The following ACYP2 variants were observed in gnomAD, a reference collection of about 807,000 sequenced individuals.
ACYP2 encodes acylphosphatase-2.
A neutral mutation model predicts 11.2 loss-of-function variants in ACYP2; 12 were observed. The observed-to-expected ratio is 1.08, with a 90% confidence interval of 0.69 to 1.74. The LOEUF (loss-of-function observed/expected upper bound fraction) is 1.74, where lower values mean the gene tolerates loss of function less well. Among genes scored for constraint, ACYP2 ranks in the 40% most tolerant of loss-of-function variants. The pLI is 0.00. For synonymous variants in ACYP2, 43 were observed against 32.2 expected (o/e 1.33, Z -1.13); for missense variants, 134 against 101.9 (o/e 1.31, Z -1.35).
intron 6 of ACYP2, among the ~76,000 whole-genome samples, chr2:54,203,090 A>C (rs1684923798): frequency 6.6e-6 from 1 of 152,054 alleles, no homozygotes; most frequent in African/African-American, 2.4e-5. Context: ...TAAGTCTTCC[A>C]CTTCATAAGC....
chr2:54,037,673 G>T (rs1255904939), intron 2 of ACYP2, among the ~76,000 whole-genome samples: 2 of 152,110 alleles, frequency 1.3e-5, no homozygotes, highest in Non-Finnish European at 2.9e-5. Context: ...CTCCCAAAGT[G>T]CTGGGATTAC....
intron 6 of ACYP2, chr2:54,267,466 G>C: frequency 9.6e-7 from 1 of 1,046,866 alleles, no homozygotes. Context: ...GGGAAGAGTG[G>C]TCCTAAAGCC....
At chr2:54,051,317 A>G in intron 3 of ACYP2, 1 of 765,346 alleles carries the variant, frequency 1.3e-6, no homozygotes, top group Non-Finnish European at 2.4e-6. Context: ...TGCTTCAGTC[A>G]ACTTCTCAGA....
chr2:54,274,328 C>G (rs1411770738), intron 6 of ACYP2, among the ~76,000 whole-genome samples: 1 of 152,194 alleles, frequency 6.6e-6, no homozygotes, highest in East Asian at 1.9e-4. Context: ...TCCTATGACA[C>G]ATGAGAGTTG....
In ACYP2 at chr2:54,066,279, C is replaced by G. The variant is rs565140658; in HGVS notation, c.277+8919C>G. 2.3e-4 allele frequency among the ~76,000 whole-genome samples: 35 copies of G among 152,280 alleles called. No individual in the cohort carries two copies. In the South Asian group the frequency reaches 7.1e-3, roughly 31 times the overall value. On this transcript the variant is annotated intron_variant, in intron 4 of 6. Coordinates refer to ENST00000607452, the MANE Select transcript of ACYP2 (RefSeq NM_001320586.2). Reference sequence around the variant, plus strand: ...AGAAGTGCGTGGTGGATCCTCCTCTCCTCTCTCCTGCCACCATTTAAGACA... The same window carrying G: ...AGAAGTGCGTGGTGGATCCTCCTCTGCTCTCTCCTGCCACCATTTAAGACA...
At chr2:54,039,869 G>GTGTT (rs1675131939) in intron 2 of ACYP2, among the ~76,000 whole-genome samples, 1 of 142,672 alleles carries the variant, frequency 7.0e-6, no homozygotes, top group South Asian at 2.2e-4. Flanking sequence ...GTGTGTGTGT[G>GTGTT]TTTTGAGACA....
At chr2:53,993,581 C>T (rs948503141) in intron 2 of ACYP2, among the ~76,000 whole-genome samples, 2 of 151,786 alleles carry the variant, frequency 1.3e-5, no homozygotes, top group African/African-American at 4.8e-5. Flanking sequence ...TCTGTAGTCT[C>T]AGCTCCTCGG....
rs1689721090 is a variant in ACYP2 at position 54,301,413 on chromosome 2, CA to C, written c.405-3274del. 6.6e-5 allele frequency among the ~76,000 whole-genome samples: 10 copies of C among 152,268 alleles called. No individual in the cohort carries two copies. In the South Asian group the frequency reaches 2.1e-3, roughly 32 times the overall value. On this transcript the variant is annotated intron_variant, in intron 6 of 6. Coordinates refer to ENST00000607452, the MANE Select transcript of ACYP2 (RefSeq NM_001320586.2). The stretch of plus-strand genomic sequence containing the variant: ...CCTTCTCCCTTTATATAATATAAAT[CA>C]CATTGCCTATCATATTCTGCCTTAA...
At chr2:54,258,369 C>G (rs1687646363) in intron 6 of ACYP2, among the ~76,000 whole-genome samples, 1 of 152,112 alleles carries the variant, frequency 6.6e-6, no homozygotes, top group African/African-American at 2.4e-5. Context: ...ACGAGAAGTG[C>G]TAAGCAGAGG....
chr2:54,242,778 A>G (rs1686786456), intron 6 of ACYP2, among the ~76,000 whole-genome samples: 1 of 152,238 alleles, frequency 6.6e-6, no homozygotes, highest in Admixed American at 6.5e-5. Flanking sequence ...AATAGGTTAT[A>G]CCACATATCC....
At chr2:54,013,508 C>A (rs1020167493) in intron 2 of ACYP2, among the ~76,000 whole-genome samples, 2 of 151,856 alleles carry the variant, frequency 1.3e-5, no homozygotes, top group African/African-American at 4.8e-5. Context: ...TCATGTTGGC[C>A]AGGCTGGTCT....
At chr2:54,154,617 TA>T (rs1343424241) in intron 6 of ACYP2, among the ~76,000 whole-genome samples, 1 of 152,238 alleles carries the variant, frequency 6.6e-6, no homozygotes, top group East Asian at 1.9e-4. Flanking sequence ...ATCCCTGGGA[TA>T]AATTCCACTT....
Position 54,138,741 on chromosome 2 carries a change from A to T in ACYP2, c.397A>T (p.Asn133Tyr). ...AGTGCAGGGGCCAGAAGACAAAGTC[A>T]ATTCCATGTGAGTAGTAAAATTAAT... The change falls in exon 6 of 7, where the codon AAT (asparagine) becomes TAT (tyrosine). Residue 133 changes from asparagine (N) to tyrosine (Y), a missense_variant. Asn to Tyr is a moderately radical substitution (Grantham distance 143, BLOSUM62 -2). Coordinates refer to ENST00000607452, the MANE Select transcript of ACYP2 (RefSeq NM_001320586.2). The T allele has an allele frequency of 6.2e-7, 1 of 1,611,924 alleles. No homozygotes were observed. The highest frequency in any genetic ancestry group is 8.5e-7 in the Non-Finnish European group (1 of 1,179,224).
intron 6 of ACYP2, among the ~76,000 whole-genome samples, chr2:54,150,742 T>C (rs1263413066): frequency 1.5e-5 from 2 of 135,826 alleles, no homozygotes; most frequent in Non-Finnish European, 3.2e-5. Context: ...TTTCTTTCTT[T>C]TTTTTTTTTT....
intron 4 of ACYP2, among the ~76,000 whole-genome samples, chr2:54,098,698 T>C (rs1295742002): frequency 1.3e-5 from 2 of 151,670 alleles, no homozygotes; most frequent in Non-Finnish European, 2.9e-5. Flanking sequence ...GCTACTGTGC[T>C]GGTCCTCTCT....
intron 2 of ACYP2, among the ~76,000 whole-genome samples, chr2:53,974,911 G>A (rs1269653351): frequency 6.6e-6 from 1 of 152,122 alleles, no homozygotes; most frequent in Non-Finnish European, 1.5e-5. Context: ...TAGGGAAGGA[G>A]AAGAGAGATG....
chr2:54,042,888 G>A (rs1466336755), intron 2 of ACYP2, among the ~76,000 whole-genome samples: 1 of 152,158 alleles, frequency 6.6e-6, no homozygotes, highest in African/African-American at 2.4e-5. Context: ...TCTTTCTTAG[G>A]AACCTAAACA....
chr2:54,045,534 T>C (rs1215948554), intron 2 of ACYP2, among the ~76,000 whole-genome samples: 2 of 152,080 alleles, frequency 1.3e-5, no homozygotes, highest in Admixed American at 6.6e-5. Flanking sequence ...TGTGGAACAC[T>C]GGCTGGGCAT....
chr2:54,221,574 G>A (rs1233298573), intron 6 of ACYP2, among the ~76,000 whole-genome samples: 1 of 145,846 alleles, frequency 6.9e-6, no homozygotes, highest in African/African-American at 2.6e-5. Flanking sequence ...AGGCTAGAGT[G>A]CAGGGGCACA....
Sources: gnomAD v4.1 joint callset for allele counts (sites outside exome capture counted in the v4.1 genomes callset) on GRCh38, gnomAD v4.1.1 for gene constraint, MANE v1.5 for transcripts, NCBI Gene and HGNC (gene_info 2026-07-23, HGNC 2026-07-21) for gene names.